Variants in BBX observed in about 807,000 individuals in gnomAD.
The protein encoded by BBX is BBX high mobility group box domain containing.
Under a neutral mutation model 100.2 loss-of-function variants are expected in BBX, and 30 were observed. The observed-to-expected ratio is 0.30, with a 90% CI of 0.22 to 0.41. BBX has a LOEUF of 0.41. Among genes scored for constraint, BBX ranks in the 10% least tolerant of loss-of-function variants. The pLI, the probability that BBX is intolerant of heterozygous loss-of-function variation, is 1.00. For synonymous variants in BBX, 376 were observed against 388.1 expected (o/e 0.97, Z 0.37); for missense variants, 1,023 against 1,129.8 (o/e 0.91, Z 1.35).
intron 13 of BBX, among the ~76,000 whole-genome samples, chr3:107,788,383 G>T (rs1015405417): frequency 2.0e-5 from 3 of 152,156 alleles, no homozygotes; most frequent in Non-Finnish European, 4.4e-5. Flanking sequence ...ACAGCCTGGT[G>T]CAATAAGGAC....
chr3:107,612,916 T>C (rs1219754608), intron 2 of BBX, among the ~76,000 whole-genome samples: 2 of 152,124 alleles, frequency 1.3e-5, no homozygotes, highest in African/African-American at 4.8e-5. Flanking sequence ...GAGGTATACA[T>C]GGTGCTCTAT....
intron 2 of BBX, among the ~76,000 whole-genome samples, chr3:107,564,407 C>T (rs762836774): frequency 2.0e-5 from 3 of 152,126 alleles, no homozygotes; most frequent in Non-Finnish European, 4.4e-5. Flanking sequence ...AGGTAGTCAA[C>T]TTTATCAATT....
intron 10 of BBX, among the ~76,000 whole-genome samples, chr3:107,765,543 C>G (rs1341300357): frequency 6.6e-6 from 1 of 152,044 alleles, no homozygotes; most frequent in East Asian, 1.9e-4. Flanking sequence ...AACTCCTGTC[C>G]TCAAGCGATC....
At chr3:107,735,265 C>G (rs1233198962) in intron 7 of BBX, among the ~76,000 whole-genome samples, 1 of 152,056 alleles carries the variant, frequency 6.6e-6, no homozygotes, top group Non-Finnish European at 1.5e-5. Flanking sequence ...TATGCATAGG[C>G]AGATGAACAT....
chr3:107,647,578 G>C (rs913191184), intron 3 of BBX, among the ~76,000 whole-genome samples: 1 of 152,158 alleles, frequency 6.6e-6, no homozygotes, highest in Non-Finnish European at 1.5e-5. Flanking sequence ...CTTAAATGCA[G>C]TATTAACTGA....
At chr3:107,627,278 A>G (rs1007228180) in intron 2 of BBX, among the ~76,000 whole-genome samples, 1 of 152,140 alleles carries the variant, frequency 6.6e-6, no homozygotes, top group Non-Finnish European at 1.5e-5. Context: ...TGTGTTTCCT[A>G]TTGATGGTAC....
At chr3:107,591,100 T>A (rs1056630259) in intron 2 of BBX, among the ~76,000 whole-genome samples, 3 of 152,266 alleles carry the variant, frequency 2.0e-5, no homozygotes, top group Non-Finnish European at 2.9e-5. Flanking sequence ...TGGATAGATT[T>A]TTTTCCCCCC....
Position 107,773,528 on chromosome 3 carries a change from A to G in BBX, c.1807A>G (p.Ile603Val), listed in dbSNP as rs1302500342. The G allele has an allele frequency of 1.2e-6, 2 of 1,614,110 alleles. No individual in the cohort carries two copies. Among genetic ancestry groups the G allele is most frequent in the East Asian group, 2.2e-5 (1 of 44,874 alleles). Residue 603 changes from isoleucine to valine, a missense_variant, in exon 11 of 18, where the codon ATA (isoleucine) becomes GTA (valine). Physicochemically the swap from Ile to Val is conservative, Grantham distance 29. Coordinates refer to ENST00000325805, the MANE Select transcript of BBX (RefSeq NM_001142568.3). The surrounding 1 kb of genome is among the most constrained non-coding windows in gnomAD (Gnocchi z 4.1). ...KPEDSDCHRKIETCGSRKSER... is the reference protein window; with the variant it reads ...KPEDSDCHRKVETCGSRKSER... Reference sequence around the variant, plus strand: ...TGAGGACAGTGACTGTCACAGAAAAATAGAAACTTGTGGTTCCAGGAAATC... The same window carrying G: ...TGAGGACAGTGACTGTCACAGAAAAGTAGAAACTTGTGGTTCCAGGAAATC...
chr3:107,659,883 C>T (rs758322257), intron 3 of BBX: 10 of 500,592 alleles, frequency 2.0e-5, no homozygotes, highest in Non-Finnish European at 2.5e-5. Flanking sequence ...TTAAGAGGGA[C>T]GTATAATATG....
At chr3:107,560,490 T>C (rs772735767) in intron 2 of BBX, among the ~76,000 whole-genome samples, 1 of 152,238 alleles carries the variant, frequency 6.6e-6, no homozygotes, top group Non-Finnish European at 1.5e-5. Flanking sequence ...GATTTAGTTG[T>C]ATTTCCAGTT....
intron 15 of BBX, among the ~76,000 whole-genome samples, chr3:107,798,261 C>T (rs769250230): frequency 6.6e-5 from 10 of 152,138 alleles, no homozygotes; most frequent in Admixed American, 1.3e-4. Context: ...TCCCCACCAA[C>T]GTGCAACACC....
chr3:107,698,179 T>C (rs2060787808), intron 3 of BBX, among the ~76,000 whole-genome samples: 1 of 151,866 alleles, frequency 6.6e-6, no homozygotes, highest in South Asian at 2.1e-4. Flanking sequence ...CACTGGGAGC[T>C]GTAGACCAGA....
intron 3 of BBX, among the ~76,000 whole-genome samples, chr3:107,681,259 A>G (rs566919736): frequency 8.2e-4 from 125 of 152,328 alleles, no homozygotes; most frequent in African/African-American, 2.9e-3. Context: ...AGCATATAGT[A>G]GATGAGTCTT....
rs549288918 is a variant in BBX at position 107,805,581 on chromosome 3, C to T, written c.*124C>T. The stretch of plus-strand genomic sequence containing the variant: ...GCAAACAAGTGCTTGTTGCCCCACA[C>T]GGCCCAGATTCACTTGAAGCAGAAG... On this transcript the variant is annotated 3_prime_UTR_variant, in exon 18 of 18. Coordinates refer to ENST00000325805, the MANE Select transcript of BBX (RefSeq NM_001142568.3). 1.5e-4 allele frequency: 237 copies of T among 1,542,670 alleles called. No homozygotes were observed. Among genetic ancestry groups the T allele is most frequent in the East Asian group, 6.2e-4 (26 of 42,262 alleles).
intron 1 of BBX, chr3:107,523,415 G>C (rs1298730747): frequency 6.5e-6 from 1 of 153,778 alleles, no homozygotes; most frequent in South Asian, 2.0e-4. Context: ...GGGGCGGGGG[G>C]CGCTGAGGCA....
At chr3:107,563,300 G>C (rs1488733998) in intron 2 of BBX, among the ~76,000 whole-genome samples, 2 of 152,158 alleles carry the variant, frequency 1.3e-5, no homozygotes, top group African/African-American at 4.8e-5. Context: ...GAAGCTCCTT[G>C]CAGATTTTAG....
chr3:107,642,528 A>G (rs1341075206), intron 2 of BBX, among the ~76,000 whole-genome samples: 1 of 152,208 alleles, frequency 6.6e-6, no homozygotes, highest in Non-Finnish European at 1.5e-5. Flanking sequence ...CGTGACCTAT[A>G]CTTGCTTGGG....
intron 2 of BBX, among the ~76,000 whole-genome samples, chr3:107,610,523 C>G (rs1398837743): frequency 1.3e-5 from 2 of 151,886 alleles, no homozygotes; most frequent in Admixed American, 1.3e-4. Flanking sequence ...TCTGGGTGTT[C>G]CAGTGTTGGG....
chr3:107,794,506 A>G (rs1222048460), intron 15 of BBX, among the ~76,000 whole-genome samples: 1 of 152,114 alleles, frequency 6.6e-6, no homozygotes, highest in African/African-American at 2.4e-5. Flanking sequence ...CAGTGTATAA[A>G]TCTAATTACA....
Sources: allele counts gnomAD v4.1 joint callset (sites outside exome capture counted in the v4.1 genomes callset), GRCh38; gene constraint gnomAD v4.1.1; non-coding constraint Gnocchi (gnomAD v3.1); transcripts MANE v1.5; gene names NCBI Gene and HGNC (gene_info 2026-07-23, HGNC 2026-07-21).